The following MYOD1 variants were observed in gnomAD, a reference collection of about 807,000 sequenced individuals.
The protein encoded by MYOD1 is myogenic differentiation 1, also known as myoblast determination protein 1.
Under a neutral mutation model 14.9 loss-of-function variants are expected in MYOD1, and 15 were observed. That is an observed-to-expected ratio of 1.01 (90% confidence interval 0.67 to 1.55). The LOEUF (loss-of-function observed/expected upper bound fraction) is 1.55. MYOD1 is among the 40% of genes most tolerant of loss of function. MYOD1 has a pLI of 0.00. For synonymous variants in MYOD1, 235 were observed against 218.6 expected (o/e 1.07, Z -0.66); for missense variants, 529 against 482.6 (o/e 1.10, Z -0.90).
chr11:17,721,623 A>C lies in MYOD1; in HGVS notation c.*115A>C. On this transcript the variant is annotated 3_prime_UTR_variant, in exon 3 of 3. Coordinates refer to ENST00000250003, the MANE Select transcript of MYOD1 (RefSeq NM_002478.5). The surrounding 1 kb of genome is among the most constrained non-coding windows in gnomAD (Gnocchi z 6.2). ...AGCGCTTTAAAAGCGACCTCTCTTG[A>C]GGTAGGAGAGGCGGGAGAACTGAAG... 7.9e-7 allele frequency: 1 copy of C among 1,272,988 alleles called. No homozygotes were observed. The highest frequency in any genetic ancestry group is 1.0e-6 in the Non-Finnish European group (1 of 967,658). 78.9% of individuals were successfully genotyped at this position (1,272,988 alleles called of 1,614,324 possible). A position where few individuals can be genotyped will look rare whatever the true frequency, so the allele number is the denominator to read the frequency against.
chr11:17,720,056 C>A lies in MYOD1; in HGVS notation c.274C>A (p.Arg92Ser). ...RAPSGHHQAG[R>S]CLLWACKACK... is the part of the protein sequence containing the mutation. ...GCCCAGCGGGCACCACCAGGCGGGC[C>A]GCTGCCTACTGTGGGCCTGCAAGGC... The change falls in exon 1 of 3, where the codon CGC (arginine) becomes AGC (serine). Residue 92 changes from arginine to serine, a missense_variant. Physicochemically the swap from Arg to Ser is moderately radical, Grantham distance 110 (BLOSUM62 -1). Transcript: ENST00000250003. 1.3e-6 allele frequency: 2 copies of A among 1,572,520 alleles called. No homozygotes were observed. The highest frequency in any genetic ancestry group is 1.1e-5 in the South Asian group (1 of 87,374).
chr11:17,720,225 A>T lies in MYOD1; in HGVS notation c.443A>T (p.Glu148Val). 1 of 1,609,136 alleles carries T rather than the reference A, an allele frequency of 6.2e-7. No homozygotes were observed. The highest frequency in any genetic ancestry group is 8.5e-7 in the Non-Finnish European group (1 of 1,178,510). The change falls in exon 1 of 3, where the codon GAG becomes GTG. Residue 148 changes from glutamate (E) to valine (V), a missense_variant. By Grantham distance (121) the Glu-to-Val change is moderately radical. Transcript: ENST00000250003. ...CCAAACCAGCGGTTGCCCAAGGTGG[A>T]GATCCTGCGCAACGCCATCCGCTAT... is the stretch of plus-strand genomic sequence containing the variant. ...SNPNQRLPKV[E>V]ILRNAIRYIE...
rs760979284 is a variant in MYOD1, at chr11:17,720,008, C to T, written c.226C>T (p.Arg76Cys). The change falls in exon 1 of 3, where the codon CGT becomes TGT. Residue 76 changes from arginine (R) to cysteine (C), a missense_variant. Coordinates refer to ENST00000250003, the MANE Select transcript of MYOD1 (RefSeq NM_002478.5). ...PAAVHPAPGA[R>C]EDEHVRAPSG... ...GGCGGTGCACCCGGCCCCGGGCGCA[C>T]GTGAGGACGAGCATGTGCGCGCGCC... The T allele has an allele frequency of 1.9e-6, 3 of 1,601,560 alleles. No homozygotes were observed. The highest frequency in any genetic ancestry group is 2.2e-5 in the South Asian group (2 of 89,994).
intron 1 of MYOD1, 38 bp from the exon 2 acceptor site, chr11:17,720,864 T>A: frequency 6.3e-7 from 1 of 1,595,290 alleles, no homozygotes; most frequent in South Asian, 1.1e-5. Context: ...CCTCGAGCCG[T>A]CCCGCGGGCC....
At chr11:17,720,873 CCTGA>C in intron 1 of MYOD1, 25 bp from the exon 2 acceptor site, 1 of 1,604,210 alleles carries the variant, frequency 6.2e-7, no homozygotes, top group Non-Finnish European at 8.5e-7. Flanking sequence ...GTCCCGCGGG[CCTGA>C]CTCAGTCGCC....
Position 17,720,198 on chromosome 11 carries a change from A to G in MYOD1, c.416A>G (p.Asn139Ser), listed in dbSNP as rs758498867. 3 of 1,609,574 alleles carry G rather than the reference A, an allele frequency of 1.9e-6. No homozygotes were observed. The highest frequency in any genetic ancestry group is 2.3e-5 in the East Asian group (1 of 44,312). The stretch of plus-strand genomic sequence containing the variant: ...ACACTCAAGCGCTGCACGTCGAGCA[A>G]TCCAAACCAGCGGTTGCCCAAGGTG... ...FETLKRCTSSNPNQRLPKVEI... is the reference protein window; with the variant it reads ...FETLKRCTSSSPNQRLPKVEI... Residue 139 changes from asparagine to serine, a missense_variant, in exon 1 of 3, where the codon AAT (asparagine) becomes AGT (serine). Coordinates refer to ENST00000250003, the MANE Select transcript of MYOD1 (RefSeq NM_002478.5).
Position 17,719,697 on chromosome 11 carries a change from G to C in MYOD1, c.-86G>C. On this transcript the variant is annotated 5_prime_UTR_variant, in exon 1 of 3. Coordinates refer to ENST00000250003, the MANE Select transcript of MYOD1 (RefSeq NM_002478.5). ...TGCCAGCACTTTGCTATCTACAGCC[G>C]GGGCTCCCGAGCGGCAGAAAGTTCC... The C allele has an allele frequency of 9.3e-6, 14 of 1,508,878 alleles. No homozygotes were observed. Among genetic ancestry groups the C allele is most frequent in the East Asian group, 2.3e-5 (1 of 44,062 alleles). 93.5% of individuals were successfully genotyped at this position (1,508,878 alleles called of 1,614,324 possible).
chr11:17,720,357 A>C lies in MYOD1; in HGVS notation c.575A>C (p.His192Pro), dbSNP rs1357938600. 1.9e-6 allele frequency: 3 copies of C among 1,541,358 alleles called. No individual in the cohort carries two copies. The highest frequency in any genetic ancestry group is 2.6e-6 in the Non-Finnish European group (3 of 1,153,642). ...GPLPPGRGGE[H>P]YSGDSDASSP... is the part of the protein sequence containing the mutation. ...CTGCCCCCGGGCCGCGGCGGCGAGC[A>C]CTACAGCGGCGACTCCGACGCGTCC... Residue 192 changes from histidine (H) to proline (P), a missense_variant, in exon 1 of 3, where the codon CAC becomes CCC. His to Pro is a moderately conservative substitution (Grantham distance 77, BLOSUM62 -2). Transcript: ENST00000250003.
In MYOD1 at chr11:17,719,700, G is replaced by T; in HGVS notation, c.-83G>T. 2 of 1,513,468 alleles carry T rather than the reference G, an allele frequency of 1.3e-6. No homozygotes were observed. Among genetic ancestry groups the T allele is most frequent in the Non-Finnish European group, 1.8e-6 (2 of 1,130,094 alleles). 93.8% of individuals were successfully genotyped at this position (1,513,468 alleles called of 1,614,324 possible). ...CAGCACTTTGCTATCTACAGCCGGG[G>T]CTCCCGAGCGGCAGAAAGTTCCGGC... On this transcript the variant is annotated 5_prime_UTR_variant, in exon 1 of 3. Transcript: ENST00000250003.
chr11:17,721,449 G>C lies in MYOD1; in HGVS notation c.904G>C (p.Asp302His), dbSNP rs772562623. The change falls in exon 3 of 3, where the codon GAC becomes CAC. Residue 302 changes from aspartate (D) to histidine (H), a missense_variant. By Grantham distance (81) the Asp-to-His change is moderately conservative. Coordinates refer to ENST00000250003, the MANE Select transcript of MYOD1 (RefSeq NM_002478.5). This position sits in a 1 kb window ranked among gnomAD's most constrained non-coding sequence, Gnocchi z 6.2. ...CAGCGGCGACCCCACCCAGTCACCG[G>C]ACGCCGCCCCGCAGTGCCCTGCGGG... Reference protein sequence around the residue: ...ESSGDPTQSPDAAPQCPAGAN... With the variant: ...ESSGDPTQSPHAAPQCPAGAN... 6.3e-7 allele frequency: 1 copy of C among 1,596,686 alleles called. No individual in the cohort carries two copies. Among genetic ancestry groups the C allele is most frequent in the Non-Finnish European group, 8.5e-7 (1 of 1,176,838 alleles).
At position 17,721,217 on chromosome 11, in the gene MYOD1, C is replaced by T. The variant is rs780611360; in HGVS notation, c.710-38C>T. 2 of 1,483,766 alleles carry T rather than the reference C, an allele frequency of 1.3e-6. No individual in the cohort carries two copies. Among genetic ancestry groups the T allele is most frequent in the South Asian group, 1.4e-5 (1 of 74,058 alleles). 91.9% of individuals were successfully genotyped at this position (1,483,766 alleles called of 1,614,324 possible). A position where few individuals can be genotyped will look rare whatever the true frequency, so the allele number is the denominator to read the frequency against. ...CCCGGGGGTGGGAGGCTTGTCGCGG[C>T]CCCACCCCTGCTTACTAACCGAGCC... On this transcript the variant is annotated intron_variant, in intron 2 of 2. Coordinates refer to ENST00000250003, the MANE Select transcript of MYOD1 (RefSeq NM_002478.5). This position sits in a 1 kb window ranked among gnomAD's most constrained non-coding sequence, Gnocchi z 6.2.
Position 17,719,809 on chromosome 11 carries a change from C to A in MYOD1, c.27C>A (p.Arg9=). The change falls in exon 1 of 3, where the codon CGC becomes CGA. Residue 9 remains arginine, a synonymous_variant. Transcript: ENST00000250003. ...TGGAGCTACTGTCGCCACCGCTCCG[C>A]GACGTAGACCTGACGGCCCCCGACG... MELLSPPL[R]DVDLTAPDGS... The A allele has an allele frequency of 6.2e-7, 1 of 1,613,298 alleles. No homozygotes were observed. Among genetic ancestry groups the A allele is most frequent in the African/African-American group, 1.3e-5 (1 of 75,062 alleles).
At position 17,720,430 on chromosome 11, in the gene MYOD1, G is replaced by A; in HGVS notation, c.630+18G>A. The A allele has an allele frequency of 6.5e-7, 1 of 1,529,062 alleles. No individual in the cohort carries two copies. The allele number at this position is 1,529,062 out of a possible 1,614,324, so 94.7% of individuals were successfully genotyped here. A position where few individuals can be genotyped will look rare whatever the true frequency, so the allele number is the denominator to read the frequency against. On this transcript the variant is annotated intron_variant, in intron 1 of 2. Coordinates refer to ENST00000250003, the MANE Select transcript of MYOD1 (RefSeq NM_002478.5). ...ACGGCATGGTAAGGCCGGGACCCCA[G>A]GAAGTGAGGAAGTTAGGGCGGCGCT... is the stretch of plus-strand genomic sequence containing the variant.
In MYOD1 at chr11:17,720,210, G is replaced by T. The variant is rs1848622167; in HGVS notation, c.428G>T (p.Arg143Leu). 6.2e-7 allele frequency: 1 copy of T among 1,609,014 alleles called. No individual in the cohort carries two copies. The highest frequency in any genetic ancestry group is 1.3e-5 in the African/African-American group (1 of 74,140). The stretch of plus-strand genomic sequence containing the variant: ...TGCACGTCGAGCAATCCAAACCAGC[G>T]GTTGCCCAAGGTGGAGATCCTGCGC... The part of the protein sequence containing the change: ...KRCTSSNPNQ[R>L]LPKVEILRNA... Residue 143 changes from arginine (R) to leucine (L), a missense_variant, in exon 1 of 3, where the codon CGG (arginine) becomes CTG (leucine). Arg to Leu is a moderately radical substitution (Grantham distance 102). Coordinates refer to ENST00000250003, the MANE Select transcript of MYOD1 (RefSeq NM_002478.5).
In MYOD1 at chr11:17,721,963, T is replaced by A. The variant is rs993993872; in HGVS notation, c.*455T>A. 1 of 235,416 alleles carries A rather than the reference T, an allele frequency of 4.2e-6. No homozygotes were observed. Among genetic ancestry groups the A allele is most frequent in the Non-Finnish European group, 8.3e-6 (1 of 120,530 alleles). The allele number at this position is 235,416 out of a possible 1,614,324, so 14.6% of individuals were successfully genotyped here. ...AGGACCACTTTTTGTAATACTTTTG[T>A]AATCTATTCCTGTAAATAAGAGTTG... On this transcript the variant is annotated 3_prime_UTR_variant, in exon 3 of 3. Coordinates refer to ENST00000250003, the MANE Select transcript of MYOD1 (RefSeq NM_002478.5). This position sits in a 1 kb window ranked among gnomAD's most constrained non-coding sequence, Gnocchi z 6.2.
Position 17,720,305 on chromosome 11 carries a change from G to T in MYOD1, c.523G>T (p.Ala175Ser), listed in dbSNP as rs143600911. 5.0e-6 allele frequency: 8 copies of T among 1,589,990 alleles called. No individual in the cohort carries two copies. The African/African-American group carries it at 7.0e-5, about 14-fold the overall frequency. ...RDQDAAPPGA[A>S]AAFYAPGPLP... ...CCAGGACGCCGCGCCCCCTGGCGCC[G>T]CAGCCGCCTTCTATGCGCCGGGCCC... The change falls in exon 1 of 3, where the codon GCA (alanine) becomes TCA (serine). Residue 175 changes from alanine to serine, a missense_variant. Ala to Ser is a moderately conservative substitution (Grantham distance 99, BLOSUM62 1). Transcript: ENST00000250003.
chr11:17,720,773 C>G (rs2526547), intron 1 of MYOD1, 129 bp from the exon 2 acceptor site: 105,951 of 1,027,042 alleles, frequency 0.1, 6,983 homozygotes, highest in South Asian at 0.25. Flanking sequence ...ATTACCCCCC[C>G]AACCAGGACA....
rs781344330 is a variant in MYOD1 at position 17,721,443 on chromosome 11, T to C, written c.898T>C (p.Ser300Pro). The C allele has an allele frequency of 6.3e-7, 1 of 1,596,934 alleles. No individual in the cohort carries two copies. The highest frequency in any genetic ancestry group is 1.1e-5 in the South Asian group (1 of 90,538). ...EGESSGDPTQ[S>P]PDAAPQCPAG... is the part of the protein sequence containing the mutation. ...AGAGAGCAGCGGCGACCCCACCCAG[T>C]CACCGGACGCCGCCCCGCAGTGCCC... The change falls in exon 3 of 3, where the codon TCA (serine) becomes CCA (proline). Residue 300 changes from serine (S) to proline (P), a missense_variant. Physicochemically the swap from Ser to Pro is moderately conservative, Grantham distance 74. Transcript: ENST00000250003. This position sits in a 1 kb window ranked among gnomAD's most constrained non-coding sequence, Gnocchi z 6.2.
Position 17,719,924 on chromosome 11 carries a change from C to G in MYOD1, c.142C>G (p.Pro48Ala), listed in dbSNP as rs761828232. 1 of 1,613,814 alleles carries G rather than the reference C, an allele frequency of 6.2e-7. No individual in the cohort carries two copies. Among genetic ancestry groups the G allele is most frequent in the Non-Finnish European group, 8.5e-7 (1 of 1,180,002 alleles). ...PDLRFFEDLD[P>A]RLMHVGALLK... The stretch of plus-strand genomic sequence containing the variant: ...CCTGCGCTTCTTCGAAGACCTGGAC[C>G]CGCGCCTGATGCACGTGGGCGCGCT... The change falls in exon 1 of 3, where the codon CCG becomes GCG. Residue 48 changes from proline (P) to alanine (A), a missense_variant. Pro to Ala is a conservative substitution (Grantham distance 27). Coordinates refer to ENST00000250003, the MANE Select transcript of MYOD1 (RefSeq NM_002478.5).
Sources: allele counts gnomAD v4.1 joint callset, GRCh38; gene constraint gnomAD v4.1.1; non-coding constraint Gnocchi (gnomAD v3.1); transcripts MANE v1.5; gene names NCBI Gene and HGNC (gene_info 2026-07-23, HGNC 2026-07-21).